The following RNF11 variants were observed in gnomAD, a reference collection of about 807,000 sequenced individuals.
RNF11 encodes ring finger protein 11.
A neutral mutation model predicts 15.8 loss-of-function variants in RNF11; 4 were observed. The ratio of observed to expected loss-of-function variants is 0.25; its 90% CI spans 0.12 to 0.58. RNF11 has a LOEUF of 0.58. RNF11 is among the 20% of genes least tolerant of loss of function. The probability of loss-of-function intolerance (pLI) is 0.91; values close to 1 mark genes in which losing one functional copy is unlikely to be tolerated. For synonymous variants in RNF11, 68 were observed against 72.3 expected (o/e 0.94, Z 0.30); for missense variants, 139 against 194.4 (o/e 0.71, Z 1.70).
chr1:51,244,511 C>T (rs1004195999), intron 1 of RNF11, among the ~76,000 whole-genome samples: 1 of 152,104 alleles, frequency 6.6e-6, no homozygotes, highest in Non-Finnish European at 1.5e-5. Context: ...CAGCCTGTCC[C>T]GAGTAGCTGG....
rs1246033988 is a variant in RNF11, at chr1:51,236,605, C to A, written c.-152C>A. 9.9e-7 allele frequency: 1 copy of A among 1,009,720 alleles called. No individual in the cohort carries two copies. Among genetic ancestry groups the A allele is most frequent in the South Asian group, 1.6e-5 (1 of 61,624 alleles). 62.5% of individuals were successfully genotyped at this position (1,009,720 alleles called of 1,614,324 possible). ...CCCCGGGGGCTGGCATGAGCGGCCCCTCGGCGGCACCGTGGGGCGGTGGAG... is the reference window on the plus strand; with the variant it reads ...CCCCGGGGGCTGGCATGAGCGGCCCATCGGCGGCACCGTGGGGCGGTGGAG... On this transcript the variant is annotated 5_prime_UTR_variant, in exon 1 of 3. Coordinates refer to ENST00000242719, the MANE Select transcript of RNF11 (RefSeq NM_014372.5).
chr1:51,247,080 C>T (rs754281089), intron 1 of RNF11, among the ~76,000 whole-genome samples: 3 of 151,452 alleles, frequency 2.0e-5, no homozygotes, highest in Non-Finnish European at 4.4e-5. Flanking sequence ...GTATTTTTAA[C>T]ATGCTCAGAG....
At chr1:51,251,285 C>G in intron 1 of RNF11, 4 of 1,421,532 alleles carry the variant, frequency 2.8e-6, no homozygotes, top group South Asian at 2.3e-5. Context: ...AGCAGCCCAG[C>G]TTGGTGACGG....
rs1557683856 is a variant in RNF11 at position 51,271,399 on chromosome 1, C to G, written c.*77C>G. 6 of 1,237,516 alleles carry G rather than the reference C, an allele frequency of 4.8e-6. No homozygotes were observed. In the East Asian group the frequency reaches 1.2e-4, roughly 25 times the overall value. The allele number at this position is 1,237,516 out of a possible 1,614,324, so 76.7% of individuals were successfully genotyped here. On this transcript the variant is annotated 3_prime_UTR_variant, in exon 3 of 3. Coordinates refer to ENST00000242719, the MANE Select transcript of RNF11 (RefSeq NM_014372.5). ...TCTTTTGTCACTGAGCCCAAAGAGC[C>G]AGGGATTAGGAATTAAGATCGTGCA...
At chr1:51,247,084 C>G (rs1646855662) in intron 1 of RNF11, among the ~76,000 whole-genome samples, 10 of 151,840 alleles carry the variant, frequency 6.6e-5, no homozygotes, top group Admixed American at 6.6e-4. Flanking sequence ...TTTTAACATG[C>G]TCAGAGTTCA....
At chr1:51,259,815 T>A (rs1271162817) in intron 1 of RNF11, among the ~76,000 whole-genome samples, 6 of 152,220 alleles carry the variant, frequency 3.9e-5, no homozygotes, top group African/African-American at 1.2e-4. Flanking sequence ...TTTTCTGTTG[T>A]CAAAGAGTTA....
intron 1 of RNF11, among the ~76,000 whole-genome samples, chr1:51,261,844 C>T (rs1646931971): frequency 2.0e-5 from 3 of 152,112 alleles, no homozygotes; most frequent in South Asian, 2.1e-4. Context: ...CCTGCCACCA[C>T]GCTCAGCCTG....
chr1:51,254,145 C>T (rs1162703282), intron 1 of RNF11, among the ~76,000 whole-genome samples: 2 of 152,172 alleles, frequency 1.3e-5, no homozygotes, highest in African/African-American at 2.4e-5. Context: ...GGGGTTCCCC[C>T]TAAAACTTTA....
At chr1:51,250,300 ATATT>A (rs1371824881) in intron 1 of RNF11, among the ~76,000 whole-genome samples, 1 of 152,166 alleles carries the variant, frequency 6.6e-6, no homozygotes, top group Non-Finnish European at 1.5e-5. Flanking sequence ...TATTGTGAGA[ATATT>A]TAAGATGTAT....
intron 1 of RNF11, among the ~76,000 whole-genome samples, chr1:51,267,696 G>A (rs1047790055): frequency 3.3e-5 from 5 of 152,214 alleles, no homozygotes; most frequent in Non-Finnish European, 5.9e-5. Flanking sequence ...TATAGTGTTC[G>A]CAGATAGGGA....
At chr1:51,241,604 A>C (rs1314238353) in intron 1 of RNF11, among the ~76,000 whole-genome samples, 1 of 152,246 alleles carries the variant, frequency 6.6e-6, no homozygotes, top group Non-Finnish European at 1.5e-5. Flanking sequence ...AGAAAAAGAA[A>C]GTACTTGAAT....
intron 1 of RNF11, among the ~76,000 whole-genome samples, chr1:51,268,796 G>A (rs142615570): frequency 4.6e-5 from 7 of 152,318 alleles, no homozygotes; most frequent in African/African-American, 1.2e-4. Context: ...AGCTGGCAGA[G>A]ATCACAACAG....
In RNF11 at chr1:51,236,902, G is replaced by C. The variant is rs760876067; in HGVS notation, c.123+23G>C. 3.8e-6 allele frequency: 6 copies of C among 1,598,012 alleles called. No homozygotes were observed. In the Admixed American group the frequency reaches 5.2e-5, roughly 14 times the overall value. ...CAGGTAGGGGAGGGTGTGTGTTGGG[G>C]GGAGCGAGTAGAGGCAGCTCTGGCG... On this transcript the variant is annotated intron_variant, in intron 1 of 2. Coordinates refer to ENST00000242719, the MANE Select transcript of RNF11 (RefSeq NM_014372.5).
At position 51,272,028 on chromosome 1, in the gene RNF11, ATAAGT is replaced by A. The variant is rs1284154164; in HGVS notation, c.*710_*714del. On this transcript the variant is annotated 3_prime_UTR_variant, in exon 3 of 3. Transcript: ENST00000242719. Reference sequence around the variant, plus strand: ...ATGCACTATCCCTTTTCTATAAAAAATAAGTTAATGTGTCAAGAAACCAACTCTAT... The same window carrying A: ...ATGCACTATCCCTTTTCTATAAAAAATAATGTGTCAAGAAACCAACTCTAT... 6.5e-6 allele frequency: 1 copy of A among 152,672 alleles called. No individual in the cohort carries two copies. Among genetic ancestry groups the A allele is most frequent in the Non-Finnish European group, 1.5e-5 (1 of 68,042 alleles). 9.5% of individuals were successfully genotyped at this position (152,672 alleles called of 1,614,324 possible). A position where few individuals can be genotyped will look rare whatever the true frequency, so the allele number is the denominator to read the frequency against.
At chr1:51,240,490 G>C (rs979010811) in intron 1 of RNF11, among the ~76,000 whole-genome samples, 2 of 152,106 alleles carry the variant, frequency 1.3e-5, no homozygotes, top group Admixed American at 6.5e-5. Flanking sequence ...ACATGTGTTA[G>C]AAAGTTGCGT....
At chr1:51,237,442 G>GTATATATATATATATATATATGTA (rs1646810084) in intron 1 of RNF11, among the ~76,000 whole-genome samples, 2 of 140,510 alleles carry the variant, frequency 1.4e-5, no homozygotes, top group South Asian at 4.5e-4. Flanking sequence ...ATATATATGT[G>GTATATATATATATATATATATGTA]TATATATATA....
chr1:51,267,832 G>T (rs183221291), intron 1 of RNF11, among the ~76,000 whole-genome samples: 1 of 152,216 alleles, frequency 6.6e-6, no homozygotes, highest in South Asian at 2.1e-4. Context: ...CCGGGTTAAA[G>T]CAGTTCTCTT....
At chr1:51,258,467 T>G (rs1646915329) in intron 1 of RNF11, among the ~76,000 whole-genome samples, 1 of 152,208 alleles carries the variant, frequency 6.6e-6, no homozygotes, top group African/African-American at 2.4e-5. Flanking sequence ...AGGAGTTCAT[T>G]TCCAGTAGAG....
At chr1:51,245,399 C>G (rs1192227426) in intron 1 of RNF11, among the ~76,000 whole-genome samples, 2 of 152,096 alleles carry the variant, frequency 1.3e-5, no homozygotes, top group Admixed American at 1.3e-4. Context: ...GCAGTCCACC[C>G]ACCTCGGCCT....
Sources: allele counts gnomAD v4.1 joint callset (sites outside exome capture counted in the v4.1 genomes callset), GRCh38; gene constraint gnomAD v4.1.1; transcripts MANE v1.5; gene names NCBI Gene and HGNC (gene_info 2026-07-23, HGNC 2026-07-21).